Variants in ARHGAP22 observed in about 807,000 individuals in gnomAD.
The protein encoded by ARHGAP22 is rho GTPase-activating protein 22.
Under a neutral mutation model 59.1 loss-of-function variants are expected in ARHGAP22, and 48 were observed. The ratio of observed to expected loss-of-function variants is 0.81; its 90% CI spans 0.64 to 1.03. The LOEUF is 1.03. Ranked by LOEUF, ARHGAP22 falls within the 50% of genes least tolerant of loss-of-function variation. ARHGAP22 has a pLI of 0.00. For synonymous variants in ARHGAP22, 445 were observed against 416.4 expected, an observed-to-expected ratio of 1.07 and a Z score of -0.84; for missense variants, 1,015 against 958.7, an observed-to-expected ratio of 1.06 and a Z score of -0.78.
intron 2 of ARHGAP22, among the ~76,000 whole-genome samples, chr10:48,572,282 C>A (rs758796772): frequency 1.1e-4 from 16 of 152,214 alleles, no homozygotes; most frequent in Non-Finnish European, 1.8e-4. Flanking sequence ...GTTAAACAGG[C>A]ACTAGCCCTA....
chr10:48,515,236 C>T (rs910916817), intron 3 of ARHGAP22, among the ~76,000 whole-genome samples: 26 of 151,988 alleles, frequency 1.7e-4, no homozygotes, highest in Admixed American at 8.5e-4. Context: ...AGTAAAATGA[C>T]GAGAAAAGAT....
At chr10:48,636,408 C>T (rs1259250023) in intron 1 of ARHGAP22, among the ~76,000 whole-genome samples, 1 of 152,128 alleles carries the variant, frequency 6.6e-6, no homozygotes, top group Non-Finnish European at 1.5e-5. Context: ...GTGGTATGGC[C>T]CTGGTCCTCT....
upstream of ARHGAP22, among the ~76,000 whole-genome samples, chr10:48,654,976 C>T (rs2062722347): frequency 7.1e-6 from 1 of 140,522 alleles, no homozygotes; most frequent in Non-Finnish European, 1.5e-5. Flanking sequence ...TCCTTCCTTC[C>T]ATCCTTCCTC....
chr10:48,450,295 G>A lies in ARHGAP22; in HGVS notation c.1834C>T (p.Arg612Cys), dbSNP rs3747853. 4.8e-4 allele frequency: 764 copies of A among 1,608,380 alleles called. 5 individuals carry two copies. In the East Asian group the frequency reaches 0.015, roughly 31 times the overall value. Residue 612 changes from arginine (R) to cysteine (C), a missense_variant, in exon 9 of 10, where the codon CGC becomes TGC. By Grantham distance (180) the Arg-to-Cys change is radical (BLOSUM62 -3). Coordinates refer to ENST00000249601, the MANE Select transcript of ARHGAP22 (RefSeq NM_021226.4). ...LVTELRAELC[R>C]QRTEYERSVK... The stretch of plus-strand genomic sequence containing the variant: ...CTCCTCTCGTACTCAGTCCGCTGGC[G>A]GCACAGCTCGGCCCTGAGCTCAGTG...
intron 3 of ARHGAP22, among the ~76,000 whole-genome samples, chr10:48,515,050 T>G (rs1350906352): frequency 6.6e-6 from 1 of 152,126 alleles, no homozygotes; most frequent in Non-Finnish European, 1.5e-5. Context: ...ATAACATGTA[T>G]AGAAAACAAA....
chr10:48,493,063 T>C (rs905413713), intron 3 of ARHGAP22, among the ~76,000 whole-genome samples: 1 of 152,234 alleles, frequency 6.6e-6, no homozygotes, highest in Admixed American at 6.5e-5. Context: ...TTTCATGTGC[T>C]TAGCAGCCAC....
chr10:48,592,329 C>T (rs1306113704), intron 1 of ARHGAP22, among the ~76,000 whole-genome samples: 1 of 152,152 alleles, frequency 6.6e-6, no homozygotes, highest in East Asian at 1.9e-4. Flanking sequence ...CTCTGTTAAG[C>T]TTCAGTCAGG....
At chr10:48,478,471 G>A (rs559929403) in intron 4 of ARHGAP22, among the ~76,000 whole-genome samples, 1 of 152,338 alleles carries the variant, frequency 6.6e-6, no homozygotes, top group African/African-American at 2.4e-5. Context: ...CATGTGGCTT[G>A]TGAAATCTGG....
intron 3 of ARHGAP22, among the ~76,000 whole-genome samples, chr10:48,518,248 C>G (rs1448077607): frequency 6.6e-6 from 1 of 152,106 alleles, no homozygotes; most frequent in Non-Finnish European, 1.5e-5. Flanking sequence ...GTCAGCCCAC[C>G]ACTGCCTTCA....
intron 3 of ARHGAP22, among the ~76,000 whole-genome samples, chr10:48,481,425 T>C (rs73303091): frequency 0.03 from 4,588 of 152,060 alleles, 166 homozygotes; most frequent in African/African-American, 0.088. Flanking sequence ...AAAAGGAACC[T>C]GGAGATCCAC....
At chr10:48,604,392 C>A (rs2060559520) in intron 1 of ARHGAP22, among the ~76,000 whole-genome samples, 1 of 152,250 alleles carries the variant, frequency 6.6e-6, no homozygotes, top group Non-Finnish European at 1.5e-5. Flanking sequence ...AGGGGTGCTT[C>A]TGTGTTGGCC....
At chr10:48,554,928 A>G (rs2057189396) in intron 3 of ARHGAP22, among the ~76,000 whole-genome samples, 1 of 152,220 alleles carries the variant, frequency 6.6e-6, no homozygotes, top group Non-Finnish European at 1.5e-5. Flanking sequence ...CCTGCCATGT[A>G]CACTGGCTTC....
At chr10:48,513,148 G>C (rs2052956143) in intron 3 of ARHGAP22, among the ~76,000 whole-genome samples, 1 of 152,038 alleles carries the variant, frequency 6.6e-6, no homozygotes, top group African/African-American at 2.4e-5. Flanking sequence ...TCTAATTCCA[G>C]GGCATTTGTC....
At chr10:48,455,744 C>G (rs1288950291) in intron 5 of ARHGAP22, among the ~76,000 whole-genome samples, 2 of 152,254 alleles carry the variant, frequency 1.3e-5, no homozygotes, top group Non-Finnish European at 2.9e-5. Context: ...CTCCACTGCA[C>G]TTGACTTTGG....
chr10:48,631,175 A>T (rs1184318489), intron 1 of ARHGAP22, among the ~76,000 whole-genome samples: 2 of 152,208 alleles, frequency 1.3e-5, no homozygotes, highest in Non-Finnish European at 2.9e-5. Context: ...GTGGTATATA[A>T]TTCTTTTTAT....
At chr10:48,451,926 C>T (rs1228874009) in intron 8 of ARHGAP22, among the ~76,000 whole-genome samples, 1 of 146,524 alleles carries the variant, frequency 6.8e-6, no homozygotes, top group Non-Finnish European at 1.5e-5. Flanking sequence ...CATACAGAAT[C>T]GCACAATGAA....
At chr10:48,616,171 A>G (rs1333413047) in intron 1 of ARHGAP22, among the ~76,000 whole-genome samples, 1 of 152,164 alleles carries the variant, frequency 6.6e-6, no homozygotes, top group East Asian at 1.9e-4. Context: ...GTGCTCATTT[A>G]GCGTCTTGGT....
At chr10:48,564,980 A>C (rs2057955304) in intron 2 of ARHGAP22, among the ~76,000 whole-genome samples, 1 of 152,200 alleles carries the variant, frequency 6.6e-6, no homozygotes, top group South Asian at 2.1e-4. Context: ...CAGGGGAATA[A>C]AGGAGATTAA....
At chr10:48,618,528 A>G (rs2061169311) in intron 1 of ARHGAP22, among the ~76,000 whole-genome samples, 2 of 152,284 alleles carry the variant, frequency 1.3e-5, no homozygotes, top group South Asian at 4.1e-4. Flanking sequence ...CAGGGATGCA[A>G]GTGTGGTTCA....
Sources: gnomAD v4.1 joint callset for allele counts (sites outside exome capture counted in the v4.1 genomes callset) on GRCh38, gnomAD v4.1.1 for gene constraint, MANE v1.5 for transcripts, NCBI Gene and HGNC (gene_info 2026-07-23, HGNC 2026-07-21) for gene names.